FSTL5: variants seen among roughly 807,000 people sequenced by gnomAD.
FSTL5 encodes the protein follistatin-related protein 5.
A neutral mutation model predicts 89.1 loss-of-function variants in FSTL5; 62 were observed. That is an observed-to-expected ratio of 0.70 (90% CI 0.57 to 0.86). FSTL5 has a LOEUF of 0.86. Among genes scored for constraint, FSTL5 ranks in the 40% least tolerant of loss-of-function variants. The pLI is 0.00. For missense variants in FSTL5, 1,057 were observed against 1,001.6 expected, an observed-to-expected ratio of 1.06 and a Z score of -0.75; for synonymous variants, 383 against 346.2, an observed-to-expected ratio of 1.11 and a Z score of -1.18.
At chr4:161,646,219 T>C (rs1736149625) in intron 7 of FSTL5, among the ~76,000 whole-genome samples, 1 of 148,312 alleles carries the variant, frequency 6.7e-6, no homozygotes, top group African/African-American at 2.4e-5. Context: ...ATATATCATG[T>C]ACAATGTATA....
intron 3 of FSTL5, among the ~76,000 whole-genome samples, chr4:161,927,720 A>G (rs1003528441): frequency 6.6e-6 from 1 of 151,792 alleles, no homozygotes; most frequent in Non-Finnish European, 1.5e-5. Flanking sequence ...TATTATTTTC[A>G]TGAAGAAGAA....
intron 6 of FSTL5, among the ~76,000 whole-genome samples, chr4:161,673,596 A>G (rs1029405032): frequency 6.6e-6 from 1 of 152,050 alleles, no homozygotes; most frequent in Admixed American, 6.6e-5. Flanking sequence ...TACAACTCAC[A>G]TGCAGATCCA....
At chr4:161,519,089 T>A (rs978252426) in intron 10 of FSTL5, among the ~76,000 whole-genome samples, 1 of 152,214 alleles carries the variant, frequency 6.6e-6, no homozygotes, top group Admixed American at 6.5e-5. Flanking sequence ...GAGGCCATAA[T>A]GCCCTTTATG....
chr4:161,428,830 T>C (rs1326673007), intron 15 of FSTL5, among the ~76,000 whole-genome samples: 2 of 152,116 alleles, frequency 1.3e-5, no homozygotes, highest in African/African-American at 4.8e-5. Flanking sequence ...AGACTACTTA[T>C]GCTTGAGAAA....
intron 12 of FSTL5, among the ~76,000 whole-genome samples, chr4:161,498,754 G>T (rs1365269325): frequency 6.6e-6 from 1 of 152,058 alleles, no homozygotes; most frequent in Non-Finnish European, 1.5e-5. Context: ...TTCTTATTCA[G>T]AATATTTTTG....
chr4:161,830,281 C>T (rs1447000526), intron 4 of FSTL5, among the ~76,000 whole-genome samples: 1 of 151,988 alleles, frequency 6.6e-6, no homozygotes, highest in Admixed American at 6.6e-5. Context: ...GAACAGGCTG[C>T]CAACTAATTC....
chr4:161,523,826 A>C (rs941017134), intron 10 of FSTL5, among the ~76,000 whole-genome samples: 2 of 152,220 alleles, frequency 1.3e-5, no homozygotes, highest in African/African-American at 2.4e-5. Flanking sequence ...TATGTAAAAA[A>C]TAAAATCCAG....
At chr4:161,963,332 T>C (rs1735233345) in intron 3 of FSTL5, among the ~76,000 whole-genome samples, 1 of 151,958 alleles carries the variant, frequency 6.6e-6, no homozygotes, top group Non-Finnish European at 1.5e-5. Flanking sequence ...TGAGTATTTT[T>C]AAGAAGTTGG....
chr4:161,654,381 G>T (rs1422037740), intron 7 of FSTL5, among the ~76,000 whole-genome samples: 1 of 152,076 alleles, frequency 6.6e-6, no homozygotes. Context: ...AAAAAGAAAA[G>T]ATAAAGTATA....
intron 4 of FSTL5, among the ~76,000 whole-genome samples, chr4:161,913,717 C>T (rs1733762215): frequency 6.6e-6 from 1 of 152,128 alleles, no homozygotes; most frequent in African/African-American, 2.4e-5. Context: ...GACCTGGTGT[C>T]AAAGGAGATA....
At chr4:161,789,040 T>C (rs1729361745) in intron 4 of FSTL5, among the ~76,000 whole-genome samples, 1 of 152,240 alleles carries the variant, frequency 6.6e-6, no homozygotes. Context: ...TACCTGTTTA[T>C]GAGCAGTGGA....
At chr4:161,871,268 CCAAT>C (rs1247886867) in intron 4 of FSTL5, among the ~76,000 whole-genome samples, 6 of 151,930 alleles carry the variant, frequency 3.9e-5, no homozygotes, top group African/African-American at 1.4e-4. Flanking sequence ...TAGATATTAG[CCAAT>C]CAGTCTATAT....
intron 4 of FSTL5, among the ~76,000 whole-genome samples, chr4:161,809,483 C>A (rs1472552863): frequency 6.6e-6 from 1 of 152,142 alleles, no homozygotes; most frequent in Admixed American, 6.5e-5. Context: ...CACTTCCGGT[C>A]ATACAGTATT....
At chr4:161,779,821 A>ATATATATATG (rs1553965279) in intron 4 of FSTL5, among the ~76,000 whole-genome samples, 679 of 63,128 alleles carry the variant, frequency 0.011, 38 homozygotes, top group East Asian at 0.022. Context: ...GTATATATAT[A>ATATATATATG]TATATATATA....
At chr4:161,988,060 A>C (rs1030596954) in intron 3 of FSTL5, among the ~76,000 whole-genome samples, 1 of 142,276 alleles carries the variant, frequency 7.0e-6, no homozygotes, top group African/African-American at 2.8e-5. Flanking sequence ...GACTAAAAAA[A>C]CCACTAAAAA....
chr4:161,472,217 T>C (rs1441323496), intron 13 of FSTL5, among the ~76,000 whole-genome samples: 1 of 152,166 alleles, frequency 6.6e-6, no homozygotes, highest in Non-Finnish European at 1.5e-5. Flanking sequence ...GACCTCGTGA[T>C]CTGCCCGCCT....
intron 10 of FSTL5, among the ~76,000 whole-genome samples, chr4:161,537,790 T>C (rs1731675766): frequency 6.6e-6 from 1 of 152,098 alleles, no homozygotes; most frequent in Non-Finnish European, 1.5e-5. Context: ...AAAACAAATA[T>C]AGTAATTTAT....
intron 4 of FSTL5, among the ~76,000 whole-genome samples, chr4:161,805,334 A>G (rs1729930208): frequency 6.6e-6 from 1 of 152,202 alleles, no homozygotes; most frequent in Non-Finnish European, 1.5e-5. Context: ...TTATTTGCTG[A>G]GAAAATTATT....
chr4:161,811,768 C>G (rs548441553), intron 4 of FSTL5, among the ~76,000 whole-genome samples: 1 of 152,128 alleles, frequency 6.6e-6, no homozygotes, highest in Non-Finnish European at 1.5e-5. Context: ...AATAATTCAT[C>G]TAAATATTTA....
Sources: allele counts gnomAD v4.1 joint callset (sites outside exome capture counted in the v4.1 genomes callset), GRCh38; gene constraint gnomAD v4.1.1; transcripts MANE v1.5; gene names NCBI Gene and HGNC (gene_info 2026-07-23, HGNC 2026-07-21).